SLC24A2: variants seen among roughly 807,000 people sequenced by gnomAD.
SLC24A2 encodes sodium/potassium/calcium exchanger 2.
Under a neutral mutation model 62.0 loss-of-function variants are expected in SLC24A2, and 36 were observed. The observed-to-expected ratio is 0.58, with a 90% CI of 0.44 to 0.77. The LOEUF (loss-of-function observed/expected upper bound fraction) is 0.77. SLC24A2 is among the 30% of genes least tolerant of loss of function. The pLI is 0.00. For synonymous variants in SLC24A2, 358 were observed against 294.0 expected (o/e 1.22, Z -2.23); for missense variants, 846 against 817.9 (o/e 1.03, Z -0.42).
At chr9:19,637,473 G>T (rs1818388935) in intron 2 of SLC24A2, among the ~76,000 whole-genome samples, 1 of 152,136 alleles carries the variant, frequency 6.6e-6, no homozygotes, top group Non-Finnish European at 1.5e-5. Flanking sequence ...TTACATCTGT[G>T]ATTGCATTCA....
chr9:20,041,260 T>A, the SLC24A2 span, among the ~76,000 whole-genome samples: 1 of 152,272 alleles, frequency 6.6e-6, no homozygotes, highest in East Asian at 1.9e-4. Flanking sequence ...CTCCTCTGTC[T>A]TTTTCATTCC....
chr9:19,788,310 T>C (rs1258517187), intron 1 of SLC24A2, among the ~76,000 whole-genome samples: 1 of 152,164 alleles, frequency 6.6e-6, no homozygotes, highest in Non-Finnish European at 1.5e-5. Flanking sequence ...ATTGTGTAAA[T>C]GCCCGGCCCG....
chr9:19,572,419 G>C (rs1415738394), intron 7 of SLC24A2, among the ~76,000 whole-genome samples: 1 of 152,166 alleles, frequency 6.6e-6, no homozygotes, highest in Non-Finnish European at 1.5e-5. Flanking sequence ...AGCCTGGTGG[G>C]AGGTGATTGA....
At chr9:20,291,249 T>C in the SLC24A2 span, among the ~76,000 whole-genome samples, 6 of 151,632 alleles carry the variant, frequency 4.0e-5, no homozygotes, top group East Asian at 3.9e-4. Flanking sequence ...AGGAGAGAAA[T>C]AGAAAAACAG....
the SLC24A2 span, among the ~76,000 whole-genome samples, chr9:19,948,844 C>CA: frequency 0.025 from 1,801 of 71,604 alleles, 68 homozygotes; most frequent in East Asian, 0.14. Context: ...GACTCCGTCT[C>CA]AAAAAAAAAA....
the SLC24A2 span, among the ~76,000 whole-genome samples, chr9:19,810,257 C>G: frequency 1.3e-5 from 2 of 152,188 alleles, no homozygotes; most frequent in African/African-American, 4.8e-5. Context: ...GATACCCCAG[C>G]CACTGGAAGT....
the SLC24A2 span, among the ~76,000 whole-genome samples, chr9:19,956,990 C>A: frequency 6.6e-6 from 1 of 152,172 alleles, no homozygotes; most frequent in Non-Finnish European, 1.5e-5. Flanking sequence ...AGCCTCCGGA[C>A]TGTGAGAAAT....
chr9:19,978,874 CA>C, the SLC24A2 span, among the ~76,000 whole-genome samples: 2 of 151,850 alleles, frequency 1.3e-5, no homozygotes, highest in Non-Finnish European at 1.5e-5. Flanking sequence ...CTCTACTGAA[CA>C]AAAAAGGCAC....
the SLC24A2 span, among the ~76,000 whole-genome samples, chr9:20,292,821 C>T: frequency 9.2e-5 from 14 of 152,316 alleles, no homozygotes; most frequent in East Asian, 2.1e-3. Context: ...AACTCCTGGG[C>T]TCAAGCAATC....
the SLC24A2 span, among the ~76,000 whole-genome samples, chr9:20,272,926 C>T: frequency 6.6e-6 from 1 of 152,144 alleles, no homozygotes; most frequent in African/African-American, 2.4e-5. Flanking sequence ...GGTTAAGATC[C>T]CTCAGTGTGT....
At chr9:19,565,181 T>C (rs1835596947) in intron 7 of SLC24A2, among the ~76,000 whole-genome samples, 1 of 152,188 alleles carries the variant, frequency 6.6e-6, no homozygotes, top group Admixed American at 6.5e-5. Flanking sequence ...TGTCCCTGTT[T>C]GCAGATGACA....
chr9:19,917,561 A>AT, the SLC24A2 span, among the ~76,000 whole-genome samples: 1 of 151,272 alleles, frequency 6.6e-6, no homozygotes, highest in African/African-American at 2.4e-5. Flanking sequence ...AGGTCTTGTG[A>AT]TTTTTTTTCA....
chr9:20,110,042 G>A, the SLC24A2 span, among the ~76,000 whole-genome samples: 14 of 152,062 alleles, frequency 9.2e-5, no homozygotes, highest in African/African-American at 3.4e-4. Flanking sequence ...TCATATTAAA[G>A]CTTTCTATTT....
At chr9:20,006,022 T>A in the SLC24A2 span, among the ~76,000 whole-genome samples, 28 of 151,896 alleles carry the variant, frequency 1.8e-4, no homozygotes, top group Non-Finnish European at 3.5e-4. Context: ...TATATGCTTA[T>A]GTACACACAA....
intron 9 of SLC24A2, among the ~76,000 whole-genome samples, chr9:19,525,115 G>C (rs1327041386): frequency 6.6e-6 from 1 of 152,108 alleles, no homozygotes; most frequent in Admixed American, 6.6e-5. Flanking sequence ...ATAAAATAAT[G>C]ACTCCAAGGC....
the SLC24A2 span, among the ~76,000 whole-genome samples, chr9:20,283,535 G>A: frequency 5.3e-5 from 8 of 152,218 alleles, no homozygotes; most frequent in South Asian, 6.2e-4. Flanking sequence ...AGTTATGGCC[G>A]GAATATCCAT....
chr9:20,226,944 A>C, the SLC24A2 span, among the ~76,000 whole-genome samples: 1 of 152,198 alleles, frequency 6.6e-6, no homozygotes, highest in African/African-American at 2.4e-5. Context: ...ATTTGTGCTA[A>C]CAGGGAGGAA....
chr9:20,274,945 T>C, the SLC24A2 span, among the ~76,000 whole-genome samples: 2 of 152,108 alleles, frequency 1.3e-5, no homozygotes, highest in Non-Finnish European at 2.9e-5. Flanking sequence ...TGGCCGCCTT[T>C]TGTGATGCAT....
At chr9:19,652,934 AT>A (rs1276828259) in intron 2 of SLC24A2, among the ~76,000 whole-genome samples, 2 of 15,652 alleles carry the variant, frequency 1.3e-4, no homozygotes, top group African/African-American at 5.3e-4. Flanking sequence ...CTTCTCTTCC[AT>A]CCTGTTTCAA....
Sources: gnomAD v4.1 joint callset for allele counts (sites outside exome capture counted in the v4.1 genomes callset) on GRCh38, gnomAD v4.1.1 for gene constraint, MANE v1.5 for transcripts, NCBI Gene and HGNC (gene_info 2026-07-23, HGNC 2026-07-21) for gene names.